The following CILK1 variants were observed in gnomAD, a reference collection of about 807,000 sequenced individuals.
The protein encoded by CILK1 is serine/threonine-protein kinase ICK.
A neutral mutation model predicts 79.2 loss-of-function variants in CILK1; 47 were observed. The observed-to-expected ratio is 0.59, with a 90% CI of 0.47 to 0.76. CILK1 has a LOEUF of 0.76. Ranked by LOEUF, CILK1 falls within the 30% of genes least tolerant of loss-of-function variation. The pLI is 0.00. For missense variants in CILK1, 660 were observed against 769.5 expected (o/e 0.86, Z 1.68); for synonymous variants, 266 against 275.9 (o/e 0.96, Z 0.36).
chr6:53,050,260 C>G (rs906031545), intron 1 of CILK1, among the ~76,000 whole-genome samples: 16 of 151,874 alleles, frequency 1.1e-4, no homozygotes, highest in African/African-American at 3.9e-4. Context: ...CTGTGTAGAC[C>G]AGAGACCACA....
chr6:53,048,581 G>A (rs1223642654), intron 1 of CILK1, among the ~76,000 whole-genome samples: 2 of 152,354 alleles, frequency 1.3e-5, no homozygotes, highest in East Asian at 3.9e-4. Context: ...GCCCAAATAT[G>A]ATGAGTCACC....
At chr6:53,006,576 G>A (rs954538159) in intron 12 of CILK1, 139 bp from the exon 13 acceptor site, 1 of 955,168 alleles carries the variant, frequency 1.0e-6, no homozygotes, top group South Asian at 1.4e-5. Flanking sequence ...ATAAAAATGA[G>A]TTCAGAGCCA....
At chr6:53,008,173 A>G (rs992648512) in intron 12 of CILK1, among the ~76,000 whole-genome samples, 1 of 151,268 alleles carries the variant, frequency 6.6e-6, no homozygotes, top group Non-Finnish European at 1.5e-5. Context: ...ATGGTGTTGT[A>G]TAGATATATA....
intron 6 of CILK1, 79 bp downstream of exon 6, chr6:53,019,148 G>A (rs1765067525): frequency 1.5e-6 from 2 of 1,357,330 alleles, no homozygotes; most frequent in Non-Finnish European, 2.1e-6. Context: ...TAACATTTGT[G>A]ACTTTAATAT....
At chr6:53,009,649 C>T (rs988545436) in intron 11 of CILK1, 82 bp from the exon 12 acceptor site, 1 of 1,229,368 alleles carries the variant, frequency 8.1e-7, no homozygotes, top group African/African-American at 1.5e-5. Context: ...TAATGCAGAA[C>T]TCAATTTGTC....
chr6:53,028,063 C>T (rs1301975764), intron 5 of CILK1, among the ~76,000 whole-genome samples: 4 of 150,356 alleles, frequency 2.7e-5, no homozygotes, highest in South Asian at 2.1e-4. Context: ...GGGAGAATGG[C>T]GTGAACCTGG....
chr6:53,043,309 T>C (rs1487439533), intron 1 of CILK1, among the ~76,000 whole-genome samples: 1 of 151,546 alleles, frequency 6.6e-6, no homozygotes, highest in African/African-American at 2.4e-5. Flanking sequence ...GAGTGAGACT[T>C]GGTCTCAAAA....
At chr6:53,018,087 A>G (rs936064449) in intron 7 of CILK1, among the ~76,000 whole-genome samples, 3 of 151,600 alleles carry the variant, frequency 2.0e-5, no homozygotes, top group Non-Finnish European at 2.9e-5. Context: ...AAGTTCTGCA[A>G]GGGAGGTGAG....
intron 5 of CILK1, among the ~76,000 whole-genome samples, chr6:53,026,149 TTTTG>T (rs1245329629): frequency 8.5e-5 from 13 of 152,208 alleles, no homozygotes; most frequent in African/African-American, 2.2e-4. Context: ...TGTAAAGCTT[TTTTG>T]TTTGTTTGTT....
intron 5 of CILK1, among the ~76,000 whole-genome samples, chr6:53,028,146 CAAA>C (rs59053012): frequency 3.2e-5 from 2 of 63,474 alleles, no homozygotes; most frequent in African/African-American, 5.7e-5. Context: ...GACTCCGTCT[CAAA>C]AAAAAAAAAA....
chr6:53,032,568 G>A lies in CILK1; in HGVS notation c.243C>T (p.Tyr81=). The part of the protein sequence containing the change: ...ENDHLYFIFE[Y]MKENLYQLIK... ...TGAGCTGGTAAAGATTTTCCTTCAT[G>A]TACTCGAAGATAAAATAAAGATGAT... Residue 81 remains tyrosine, a synonymous_variant, in exon 4 of 14, where the codon TAC becomes TAT. Transcript: ENST00000676107. 1 of 1,607,504 alleles carries A rather than the reference G, an allele frequency of 6.2e-7. No individual in the cohort carries two copies. The highest frequency in any genetic ancestry group is 8.5e-7 in the Non-Finnish European group (1 of 1,175,232).
intron 12 of CILK1, among the ~76,000 whole-genome samples, chr6:53,008,346 C>A (rs1047104408): frequency 3.3e-5 from 5 of 151,884 alleles, no homozygotes; most frequent in African/African-American, 1.2e-4. Flanking sequence ...CTCGATCAGG[C>A]TGGCATGGGG....
intron 1 of CILK1, among the ~76,000 whole-genome samples, chr6:53,056,121 A>G (rs186881673): frequency 6.6e-6 from 1 of 152,328 alleles, no homozygotes; most frequent in African/African-American, 2.4e-5. Context: ...TTACACAATA[A>G]TACTTTACCT....
intron 3 of CILK1, among the ~76,000 whole-genome samples, chr6:53,034,720 G>T (rs1766194525): frequency 6.6e-6 from 1 of 152,150 alleles, no homozygotes; most frequent in Non-Finnish European, 1.5e-5. Context: ...GGAAAGTCAG[G>T]ACATGGATAC....
At chr6:53,036,738 T>TTTTATAAAAGTTCA (rs1233208587) in intron 3 of CILK1, among the ~76,000 whole-genome samples, 22 of 152,202 alleles carry the variant, frequency 1.4e-4, no homozygotes, top group African/African-American at 5.3e-4. Flanking sequence ...AAAAGAATAC[T>TTTTATAAAAGTTCA]TTTATAAATG....
intron 5 of CILK1, among the ~76,000 whole-genome samples, chr6:53,025,705 A>C (rs1765526066): frequency 1.3e-5 from 2 of 152,152 alleles, no homozygotes; most frequent in African/African-American, 4.8e-5. Flanking sequence ...CTGATGAAAA[A>C]CTGTATCTGT....
chr6:53,014,468 T>C (rs1471480274), intron 8 of CILK1, among the ~76,000 whole-genome samples: 1 of 152,258 alleles, frequency 6.6e-6, no homozygotes, highest in Admixed American at 6.5e-5. Context: ...ATACATGATA[T>C]AGTTAACCCT....
rs1399695709 is a variant in CILK1 at position 53,002,574 on chromosome 6, G to GT, written c.*2574dup. ...TACTATTCCCTTCTATAGTGCATAG[G>GT]TTTTTTTACACAATTTGTCCTTTAC... On this transcript the variant is annotated 3_prime_UTR_variant, in exon 14 of 14. Transcript: ENST00000676107. The GT allele has an allele frequency of 6.6e-6, 1 of 152,146 alleles. No individual in the cohort carries two copies. Among genetic ancestry groups the GT allele is most frequent in the Non-Finnish European group, 1.5e-5 (1 of 68,032 alleles). 9.4% of individuals were successfully genotyped at this position (152,146 alleles called of 1,614,324 possible). A position where few individuals can be genotyped will look rare whatever the true frequency, so the allele number is the denominator to read the frequency against.
In CILK1 at chr6:53,011,595, A is replaced by G. The variant is rs550956980; in HGVS notation, c.1492+174T>C. Among the ~76,000 whole-genome samples, 4 of 152,200 alleles carry G rather than the reference A, an allele frequency of 2.6e-5. No homozygotes were observed. The East Asian group carries it at 7.7e-4, about 29-fold the overall frequency. ...GCCTGGGTGGCAGAGAGAGACTCCA[A>G]CTCAAAAAAAAAGTGAGGCTTGGGC... is the stretch of plus-strand genomic sequence containing the variant. On this transcript the variant is annotated intron_variant, in intron 11 of 13. Coordinates refer to ENST00000676107, the MANE Select transcript of CILK1 (RefSeq NM_014920.5).
Sources: allele counts gnomAD v4.1 joint callset (sites outside exome capture counted in the v4.1 genomes callset), GRCh38; gene constraint gnomAD v4.1.1; transcripts MANE v1.5; gene names NCBI Gene and HGNC (gene_info 2026-07-23, HGNC 2026-07-21).